STXBP5L: variants seen among roughly 807,000 people sequenced by gnomAD.
STXBP5L encodes the protein syntaxin binding protein 5L.
A neutral mutation model predicts 144.5 loss-of-function variants in STXBP5L; 65 were observed. The observed-to-expected ratio is 0.45, with a 90% CI of 0.37 to 0.55. The LOEUF (loss-of-function observed/expected upper bound fraction) is 0.55, where lower values mean the gene tolerates loss of function less well. STXBP5L is among the 20% of genes least tolerant of loss of function. STXBP5L has a pLI of 0.00. For synonymous variants in STXBP5L, 505 were observed against 469.6 expected (o/e 1.08, Z -0.97); for missense variants, 1,298 against 1,405.5 (o/e 0.92, Z 1.22).
rs1418389137 is a variant in STXBP5L at position 121,198,433 on chromosome 3, T to C, written c.878-7490T>C. Among the ~76,000 whole-genome samples the C allele has an allele frequency of 9.9e-5, 15 of 152,198 alleles. No homozygotes were observed. In the East Asian group the frequency reaches 2.9e-3, roughly 29 times the overall value. The stretch of plus-strand genomic sequence containing the variant: ...AAAAATTTTCTCCCATTCTGTTGGT[T>C]GCCTGTTCACTCTGATGATAGTTTC... On this transcript the variant is annotated intron_variant, in intron 9 of 26. Transcript: ENST00000471454.
chr3:121,370,609 GC>G (rs1303480058), intron 20 of STXBP5L, among the ~76,000 whole-genome samples: 1 of 152,148 alleles, frequency 6.6e-6, no homozygotes, highest in Non-Finnish European at 1.5e-5. Context: ...TTTCTATGTT[GC>G]TTCCATTCTC....
intron 20 of STXBP5L, among the ~76,000 whole-genome samples, chr3:121,329,567 A>G (rs2044256286): frequency 6.6e-6 from 1 of 152,236 alleles, no homozygotes; most frequent in South Asian, 2.1e-4. Context: ...TAGAATGTCA[A>G]GAATGTAGTA....
intron 2 of STXBP5L, among the ~76,000 whole-genome samples, chr3:120,950,220 T>C (rs1025436540): frequency 2.0e-5 from 3 of 152,056 alleles, no homozygotes; most frequent in African/African-American, 7.2e-5. Context: ...GGGATTTAAC[T>C]TGATTCTTTT....
chr3:121,100,913 T>A (rs2043388994), intron 5 of STXBP5L, among the ~76,000 whole-genome samples: 1 of 151,900 alleles, frequency 6.6e-6, no homozygotes, highest in African/African-American at 2.4e-5. Flanking sequence ...AAGGTGACAT[T>A]ATAACTGATC....
intron 5 of STXBP5L, among the ~76,000 whole-genome samples, chr3:121,101,415 C>T (rs1390658559): frequency 2.0e-5 from 3 of 152,086 alleles, no homozygotes; most frequent in Non-Finnish European, 2.9e-5. Flanking sequence ...GGCTTCATTC[C>T]TGGGATGCAA....
chr3:121,134,195 C>T (rs1022981473), intron 7 of STXBP5L, among the ~76,000 whole-genome samples: 23 of 152,066 alleles, frequency 1.5e-4, no homozygotes, highest in Non-Finnish European at 2.8e-4. Flanking sequence ...TGTGGTGTCC[C>T]GAGGTGGTGC....
rs1046487054 is a variant in STXBP5L, at chr3:121,019,438, C to A, written c.288-22262C>A. Among the ~76,000 whole-genome samples the A allele has an allele frequency of 3.9e-5, 6 of 152,208 alleles. No individual in the cohort carries two copies. In the East Asian group the frequency reaches 9.6e-4, roughly 24 times the overall value. ...GCAGCTGATGTGCTCTTGAAAGCCC[C>A]ACCTCATGGCTGGAGGCCAACCAAC... On this transcript the variant is annotated intron_variant, in intron 3 of 26. Transcript: ENST00000471454.
intron 22 of STXBP5L, among the ~76,000 whole-genome samples, chr3:121,387,439 T>C (rs1442759081): frequency 6.6e-6 from 1 of 152,240 alleles, no homozygotes; most frequent in Non-Finnish European, 1.5e-5. Context: ...TTGGCTTTTG[T>C]TGCCATTGCT....
At chr3:121,087,325 G>C (rs1358272514) in intron 5 of STXBP5L, among the ~76,000 whole-genome samples, 2 of 151,912 alleles carry the variant, frequency 1.3e-5, no homozygotes, top group Admixed American at 1.3e-4. Context: ...CCTCCTTTCA[G>C]TTCTGTCATG....
intron 15 of STXBP5L, 66 bp downstream of exon 15, chr3:121,250,829 T>G (rs1200648068): frequency 6.4e-6 from 9 of 1,397,732 alleles, no homozygotes; most frequent in Non-Finnish European, 8.9e-6. Context: ...CAGCTACCAC[T>G]TTTTAGTTTG....
At chr3:121,244,251 G>C (rs2049766567) in intron 14 of STXBP5L, among the ~76,000 whole-genome samples, 2 of 151,824 alleles carry the variant, frequency 1.3e-5, no homozygotes, top group Non-Finnish European at 2.9e-5. Flanking sequence ...TAGATCTGAA[G>C]TATATGATAA....
At chr3:121,348,420 T>A (rs1194685075) in intron 20 of STXBP5L, among the ~76,000 whole-genome samples, 1 of 152,008 alleles carries the variant, frequency 6.6e-6, no homozygotes, top group Non-Finnish European at 1.5e-5. Flanking sequence ...AAAATTCTCT[T>A]TTTTTGTTGT....
intron 22 of STXBP5L, among the ~76,000 whole-genome samples, chr3:121,405,795 A>G (rs1337596387): frequency 1.3e-5 from 2 of 152,128 alleles, no homozygotes; most frequent in African/African-American, 4.8e-5. Context: ...TGAACAGAAT[A>G]TAATCAAAGC....
chr3:120,983,671 A>G (rs1405879811), intron 3 of STXBP5L, among the ~76,000 whole-genome samples: 1 of 152,094 alleles, frequency 6.6e-6, no homozygotes, highest in Non-Finnish European at 1.5e-5. Flanking sequence ...TAGAATTGAA[A>G]AAATCTATTA....
chr3:121,097,010 G>A (rs2043164722), intron 5 of STXBP5L, among the ~76,000 whole-genome samples: 1 of 152,190 alleles, frequency 6.6e-6, no homozygotes, highest in Non-Finnish European at 1.5e-5. Flanking sequence ...TCCCTTATGG[G>A]GGCTGCTGCC....
chr3:121,351,239 G>C (rs1293613298), intron 20 of STXBP5L, among the ~76,000 whole-genome samples: 1 of 152,144 alleles, frequency 6.6e-6, no homozygotes, highest in Non-Finnish European at 1.5e-5. Context: ...GACCCTGTTT[G>C]CCTGGGTATC....
intron 5 of STXBP5L, among the ~76,000 whole-genome samples, chr3:121,054,021 C>T (rs1333295881): frequency 6.6e-6 from 1 of 152,134 alleles, no homozygotes; most frequent in Admixed American, 6.5e-5. Context: ...CAGAGAAATG[C>T]AAATCAAAAC....
chr3:121,043,307 A>C (rs534406924), intron 4 of STXBP5L, among the ~76,000 whole-genome samples: 1 of 152,210 alleles, frequency 6.6e-6, no homozygotes, highest in African/African-American at 2.4e-5. Flanking sequence ...GAACCTAGAC[A>C]CTGTGGTGTT....
chr3:121,085,471 G>T (rs899934448), intron 5 of STXBP5L, among the ~76,000 whole-genome samples: 1 of 152,180 alleles, frequency 6.6e-6, no homozygotes, highest in Non-Finnish European at 1.5e-5. Flanking sequence ...CTTCAGCAAA[G>T]TCTCAGGAGA....
Sources: allele counts gnomAD v4.1 joint callset (sites outside exome capture counted in the v4.1 genomes callset), GRCh38; gene constraint gnomAD v4.1.1; transcripts MANE v1.5; gene names NCBI Gene and HGNC (gene_info 2026-07-23, HGNC 2026-07-21).